The following FBXO34 variants were observed in gnomAD, a reference collection of about 807,000 sequenced individuals.
FBXO34 encodes F-box protein 34, also known as F-box only protein 34.
FBXO34 carries 12 observed loss-of-function variants against 24.5 expected under a neutral mutation model. That is an observed-to-expected ratio of 0.49 (90% CI 0.31 to 0.79). The LOEUF (loss-of-function observed/expected upper bound fraction) is 0.79. Among genes scored for constraint, FBXO34 ranks in the 30% least tolerant of loss-of-function variants. The probability of loss-of-function intolerance (pLI) is 0.04; values close to 1 mark genes in which losing one functional copy is unlikely to be tolerated. For synonymous variants in FBXO34, 320 were observed against 311.9 expected (o/e 1.03, Z -0.27); for missense variants, 823 against 857.7 (o/e 0.96, Z 0.51).
the FBXO34 span, among the ~76,000 whole-genome samples, chr14:55,420,174 G>A: frequency 2.0e-5 from 3 of 152,154 alleles, no homozygotes; most frequent in Non-Finnish European, 4.4e-5. Context: ...AGGTTCAAGC[G>A]ATTCTCCTGC....
intron 1 of FBXO34, among the ~76,000 whole-genome samples, chr14:55,346,760 A>G (rs1884173289): frequency 6.6e-6 from 1 of 152,196 alleles, no homozygotes; most frequent in Non-Finnish European, 1.5e-5. Context: ...TCTAGAAGCC[A>G]GGAAATTAAG....
At chr14:55,410,061 GA>G in the FBXO34 span, among the ~76,000 whole-genome samples, 2 of 152,144 alleles carry the variant, frequency 1.3e-5, no homozygotes, top group Non-Finnish European at 2.9e-5. Flanking sequence ...GTTAAGAGAG[GA>G]GTCAAGGAGA....
intron 1 of FBXO34, among the ~76,000 whole-genome samples, chr14:55,323,022 A>AAAAAAC (rs1566555529): frequency 8.4e-6 from 1 of 119,192 alleles, no homozygotes; most frequent in African/African-American, 3.2e-5. Context: ...AAATACAAAA[A>AAAAAAC]AAAAAAAAAA....
At chr14:55,278,482 G>A (rs1278882363) in intron 1 of FBXO34, among the ~76,000 whole-genome samples, 1 of 152,012 alleles carries the variant, frequency 6.6e-6, no homozygotes, top group Non-Finnish European at 1.5e-5. Flanking sequence ...AGTTATACTT[G>A]TGTGATCAGA....
At chr14:55,433,707 G>A in the FBXO34 span, 16 of 1,614,038 alleles carry the variant, frequency 9.9e-6, no homozygotes, top group South Asian at 1.8e-4. Flanking sequence ...TCCTCATTAT[G>A]ACAGCAGCAA....
chr14:55,435,784 C>A, the FBXO34 span: 3 of 1,204,350 alleles, frequency 2.5e-6, no homozygotes, highest in South Asian at 4.3e-5. Flanking sequence ...ATATCATGAT[C>A]ATATTAAGAA....
chr14:55,305,788 C>A (rs1243622377), intron 1 of FBXO34, among the ~76,000 whole-genome samples: 1 of 152,182 alleles, frequency 6.6e-6, no homozygotes, highest in South Asian at 2.1e-4. Context: ...GGATTTTTCC[C>A]GATCTGAATT....
chr14:55,422,967 AAATTATTTAAAAAAAAGCC>A, the FBXO34 span, among the ~76,000 whole-genome samples: 1 of 152,190 alleles, frequency 6.6e-6, no homozygotes, highest in Non-Finnish European at 1.5e-5. Context: ...ATTTATGCAA[AAATTATTTAAAAAAAAGCC>A]AACAGGAAAA....
the FBXO34 span, chr14:55,438,867 T>G: frequency 1.4e-4 from 20 of 145,294 alleles, no homozygotes; most frequent in African/African-American, 5.1e-4. Context: ...CATTTCTACC[T>G]CAGTGCTGAT....
chr14:55,290,830 T>C (rs377598111), intron 1 of FBXO34, among the ~76,000 whole-genome samples: 1 of 152,318 alleles, frequency 6.6e-6, no homozygotes, highest in East Asian at 1.9e-4. Context: ...TTTATTTTTA[T>C]TTATTTATTT....
chr14:55,439,618 C>CCCCCCCCCCG, the FBXO34 span, among the ~76,000 whole-genome samples: 1 of 60,294 alleles, frequency 1.7e-5, no homozygotes, highest in Non-Finnish European at 3.2e-5. Context: ...AAGCAAACCC[C>CCCCCCCCCCG]CCCCCGTCTC....
At chr14:55,429,251 T>G in the FBXO34 span, among the ~76,000 whole-genome samples, 1 of 152,236 alleles carries the variant, frequency 6.6e-6, no homozygotes, top group African/African-American at 2.4e-5. Context: ...TTGGGTGTTA[T>G]TTGCTAAAAC....
intron 1 of FBXO34, among the ~76,000 whole-genome samples, chr14:55,281,991 C>T (rs1201221416): frequency 3.7e-4 from 24 of 65,110 alleles, no homozygotes; most frequent in East Asian, 9.4e-4. Context: ...TTAAATTTAG[C>T]TTTTTTTTTT....
chr14:55,312,569 T>G (rs993939604), intron 1 of FBXO34, among the ~76,000 whole-genome samples: 8 of 152,240 alleles, frequency 5.3e-5, no homozygotes, highest in African/African-American at 1.9e-4. Context: ...GCAGCAAACT[T>G]CTGCCTGATC....
At chr14:55,364,407 G>A (rs17674563), downstream of FBXO34, among the ~76,000 whole-genome samples, 54,731 of 151,886 alleles carry the variant, frequency 0.36, 10,483 homozygotes, top group Non-Finnish European at 0.42. Flanking sequence ...AGGAAAGATT[G>A]TCCCACTGGT....
At chr14:55,344,683 A>G (rs527709337) in intron 1 of FBXO34, among the ~76,000 whole-genome samples, 1 of 151,758 alleles carries the variant, frequency 6.6e-6, no homozygotes, top group East Asian at 1.9e-4. Context: ...TGCATGCATT[A>G]GGTATTTGTC....
intron 1 of FBXO34, among the ~76,000 whole-genome samples, chr14:55,293,949 T>A (rs567204469): frequency 6.6e-6 from 1 of 152,088 alleles, no homozygotes; most frequent in South Asian, 2.1e-4. Context: ...GGTGGTGGTG[T>A]TAATCGGGTA....
At chr14:55,442,973 C>G in the FBXO34 span, among the ~76,000 whole-genome samples, 2 of 152,170 alleles carry the variant, frequency 1.3e-5, no homozygotes, top group South Asian at 4.1e-4. Context: ...TCAAGAGAAA[C>G]CAGCCCTGCT....
intron 1 of FBXO34, among the ~76,000 whole-genome samples, chr14:55,292,849 T>C (rs1047450260): frequency 1.3e-5 from 2 of 152,150 alleles, no homozygotes; most frequent in Non-Finnish European, 2.9e-5. Context: ...TAGATGTTAG[T>C]ACTTTTAAAA....
Sources: allele counts gnomAD v4.1 joint callset (sites outside exome capture counted in the v4.1 genomes callset), GRCh38; gene constraint gnomAD v4.1.1; transcripts MANE v1.5; gene names NCBI Gene and HGNC (gene_info 2026-07-23, HGNC 2026-07-21).